Variants in CRHBP observed in about 807,000 individuals in gnomAD.
CRHBP encodes the protein corticotropin-releasing hormone-binding protein.
CRHBP carries 19 observed loss-of-function variants against 34.9 expected under a neutral mutation model. The ratio of observed to expected loss-of-function variants is 0.55; its 90% confidence interval spans 0.38 to 0.80. The LOEUF (loss-of-function observed/expected upper bound fraction) is 0.80. Ranked by LOEUF, CRHBP falls within the 30% of genes least tolerant of loss-of-function variation. CRHBP has a pLI of 0.00. For missense variants in CRHBP, 328 were observed against 409.2 expected, an observed-to-expected ratio of 0.80 and a Z score of 1.71; for synonymous variants, 154 against 153.4, an observed-to-expected ratio of 1.00 and a Z score of -0.03.
At chr5:76,975,718 T>G (rs1746013858) in intron 2 of CRHBP, among the ~76,000 whole-genome samples, 1 of 146,844 alleles carries the variant, frequency 6.8e-6, no homozygotes. Context: ...GCAGGAGAAT[T>G]GCTTGAACCC....
Position 76,955,753 on chromosome 5 carries a change from T to C in CRHBP, c.434T>C (p.Leu145Pro). The change falls in exon 4 of 7, where the codon CTT becomes CCT. Residue 145 changes from leucine to proline, a missense_variant. By Grantham distance (98) the Leu-to-Pro change is moderately conservative (BLOSUM62 -3). This residue lies in a region of CRHBP where 173 missense variants were observed against 172.2 expected (regional missense o/e 1.00). Coordinates refer to ENST00000274368, the MANE Select transcript of CRHBP (RefSeq NM_001882.4). ...ERYIDFCESG[L>P]SRRSIRSSQN... ...TACATAGATTTCTGTGAGAGTGGTC[T>C]TAGCAGGAGGAGCATCAGATCTTCC... is the stretch of plus-strand genomic sequence containing the variant. 4 of 1,614,246 alleles carry C rather than the reference T, an allele frequency of 2.5e-6. No individual in the cohort carries two copies. Among genetic ancestry groups the C allele is most frequent in the Non-Finnish European group, 3.4e-6 (4 of 1,180,050 alleles).
chr5:76,961,065 C>T (rs1745769388), intron 5 of CRHBP, among the ~76,000 whole-genome samples: 1 of 152,122 alleles, frequency 6.6e-6, no homozygotes, highest in Non-Finnish European at 1.5e-5. Context: ...CTGCTCCTGG[C>T]CAAGTACTTT....
At chr5:76,956,577 T>C (rs1745672017) in intron 4 of CRHBP, among the ~76,000 whole-genome samples, 2 of 152,214 alleles carry the variant, frequency 1.3e-5, no homozygotes, top group African/African-American at 2.4e-5. Flanking sequence ...CTACTAAAAA[T>C]GCAAAAAATT....
intron 3 of CRHBP, among the ~76,000 whole-genome samples, chr5:76,980,619 T>C (rs763656904): frequency 1.3e-5 from 2 of 152,244 alleles, no homozygotes; most frequent in Non-Finnish European, 2.9e-5. Flanking sequence ...CTCATCTGGA[T>C]GTTGCTGTGA....
chr5:76,955,849 A>G lies in CRHBP; in HGVS notation c.530A>G (p.Asp177Gly), dbSNP rs770004516. The change falls in exon 4 of 7, where the codon GAC becomes GGC. Residue 177 changes from aspartate (D) to glycine (G), a missense_variant. Transcript: ENST00000274368. Reference protein sequence around the residue: ...GNGFTLTIKTDPNLFPCNVIS... With the variant: ...GNGFTLTIKTGPNLFPCNVIS... ...GGATTCACATTAACCATAAAGACAG[A>G]CCCCAACCTCTTTCGTAAGTGTTCT... is the stretch of plus-strand genomic sequence containing the variant. The G allele has an allele frequency of 2.5e-6, 4 of 1,613,512 alleles. No individual in the cohort carries two copies. The Admixed American group carries it at 6.7e-5, about 27-fold the overall frequency.
intron 3 of CRHBP, among the ~76,000 whole-genome samples, chr5:76,978,416 AGAAGTATGCT>A (rs1311397879): frequency 6.6e-6 from 1 of 152,236 alleles, no homozygotes; most frequent in Non-Finnish European, 1.5e-5. Context: ...AGGGCCCTTA[AGAAGTATGCT>A]GAGTCTACTC....
chr5:76,953,399 T>A, intron 1 of CRHBP, 184 bp downstream of exon 1: 2 of 826,246 alleles, frequency 2.4e-6, no homozygotes, highest in Non-Finnish European at 4.0e-6. Flanking sequence ...CCAGACTGCC[T>A]GCCTGCCTTC....
At chr5:76,976,760 A>G (rs1053953124) in intron 3 of CRHBP, among the ~76,000 whole-genome samples, 1 of 152,204 alleles carries the variant, frequency 6.6e-6, no homozygotes, top group Non-Finnish European at 1.5e-5. Context: ...AATGCTTCTA[A>G]AATGTTTTCT....
At chr5:76,972,752 C>T (rs901251776), downstream of CRHBP, among the ~76,000 whole-genome samples, 3 of 152,176 alleles carry the variant, frequency 2.0e-5, no homozygotes, top group African/African-American at 4.8e-5. Context: ...TATAAAGCAG[C>T]ATGTCTTCTT....
Position 76,968,714 on chromosome 5 carries a change from T to C in CRHBP, c.812-14T>C. Reference sequence around the variant, plus strand: ...AACCTGCTGGGAAACTTTTATCTTTTCCATCCATTATAGCCCAGATGAAAG... The same window carrying C: ...AACCTGCTGGGAAACTTTTATCTTTCCCATCCATTATAGCCCAGATGAAAG... On this transcript the variant is annotated splice_polypyrimidine_tract_variant and intron_variant, in intron 6 of 6. Coordinates refer to ENST00000274368, the MANE Select transcript of CRHBP (RefSeq NM_001882.4). 6.3e-7 allele frequency: 1 copy of C among 1,591,712 alleles called. No homozygotes were observed. Among genetic ancestry groups the C allele is most frequent in the South Asian group, 1.1e-5 (1 of 88,478 alleles).
chr5:76,953,965 G>A, intron 2 of CRHBP, 64 bp from the exon 3 acceptor site: 1 of 1,534,892 alleles, frequency 6.5e-7, no homozygotes, highest in South Asian at 1.3e-5. Context: ...GAGAGCGGCC[G>A]CCCGAGGACG....
At chr5:76,978,435 T>C (rs954260122) in intron 3 of CRHBP, among the ~76,000 whole-genome samples, 1 of 152,216 alleles carries the variant, frequency 6.6e-6, no homozygotes, top group Non-Finnish European at 1.5e-5. Context: ...CTGAGTCTAC[T>C]CTGTCTGGGC....
chr5:76,960,969 A>G (rs945129937), intron 5 of CRHBP, among the ~76,000 whole-genome samples: 8 of 152,130 alleles, frequency 5.3e-5, no homozygotes, highest in Middle Eastern at 3.4e-3. Context: ...GGGTTTCACC[A>G]TATTGGCCAG....
downstream of CRHBP, among the ~76,000 whole-genome samples, chr5:76,974,266 C>T (rs561577148): frequency 2.6e-5 from 4 of 152,180 alleles, no homozygotes; most frequent in South Asian, 6.2e-4. Flanking sequence ...ATCCACCCGC[C>T]TCAGCCTCCC....
chr5:76,972,569 C>G (rs1455752817), downstream of CRHBP, among the ~76,000 whole-genome samples: 1 of 152,108 alleles, frequency 6.6e-6, no homozygotes, highest in African/African-American at 2.4e-5. Context: ...TGGGCTCAAG[C>G]GATCCACCCA....
chr5:76,957,777 C>T (rs1745708521), intron 4 of CRHBP, among the ~76,000 whole-genome samples: 1 of 152,174 alleles, frequency 6.6e-6, no homozygotes, highest in Admixed American at 6.5e-5. Context: ...TTTTAGTTAA[C>T]TTATCACTTA....
rs199697433 is a variant in CRHBP at position 76,963,459 on chromosome 5, G to A, written c.810G>A (p.Pro270=). The A allele has an allele frequency of 1.3e-5, 21 of 1,611,672 alleles. No individual in the cohort carries two copies. The highest frequency in any genetic ancestry group is 6.7e-5 in the Admixed American group (4 of 59,948). ...ATCTCTGCTACCCCTTTCATGGCCC[G>A]GGTGAGGTATTTCTTTGATTGTTAT... is the stretch of plus-strand genomic sequence containing the variant. ...LADLCYPFHG[P]AQMKVGCDNT... is the part of the protein sequence containing the mutation. The change falls in exon 6 of 7, where the codon CCG becomes CCA. Residue 270 remains proline, a splice_region_variant and synonymous_variant. Coordinates refer to ENST00000274368, the MANE Select transcript of CRHBP (RefSeq NM_001882.4).
intron 6 of CRHBP, 56 bp from the exon 7 acceptor site, chr5:76,968,672 A>G (rs1745898474): frequency 2.6e-6 from 4 of 1,536,792 alleles, no homozygotes; most frequent in Admixed American, 2.0e-5. Context: ...CATTTAAATG[A>G]TGACTGTGTG....
chr5:76,976,395 T>C (rs756572256), exon 3 of CRHBP: 11 of 152,208 alleles, frequency 7.2e-5, no homozygotes, highest in Non-Finnish European at 1.3e-4. Context: ...GAATGCAATC[T>C]ATCCTGTGTG....
Sources: allele counts gnomAD v4.1 joint callset (sites outside exome capture counted in the v4.1 genomes callset), GRCh38; gene constraint gnomAD v4.1.1; regional missense constraint gnomAD v4.1.1; transcripts MANE v1.5; gene names NCBI Gene and HGNC (gene_info 2026-07-23, HGNC 2026-07-21).